Variants in PARPBP observed in about 807,000 individuals in gnomAD.
PARPBP encodes the protein PCNA-interacting partner.
Under a neutral mutation model 50.0 loss-of-function variants are expected in PARPBP, and 52 were observed. That is an observed-to-expected ratio of 1.04 (90% CI 0.83 to 1.31). The LOEUF is 1.31. Ranked by LOEUF, PARPBP falls within the 50% of genes most tolerant of loss-of-function variation. The probability of loss-of-function intolerance (pLI) is 0.00; values close to 1 mark genes in which losing one functional copy is unlikely to be tolerated. For missense variants in PARPBP, 697 were observed against 672.0 expected (o/e 1.04, Z -0.41); for synonymous variants, 244 against 232.1 (o/e 1.05, Z -0.47).
At chr12:102,149,951 G>A (rs1342308802) in intron 3 of PARPBP, among the ~76,000 whole-genome samples, 1 of 152,134 alleles carries the variant, frequency 6.6e-6, no homozygotes, top group Non-Finnish European at 1.5e-5. Flanking sequence ...TGGATTGTAG[G>A]ACAACAAAGA....
chr12:102,148,458 T>G lies in PARPBP; in HGVS notation c.382T>G (p.Ser128Ala). The G allele has an allele frequency of 8.1e-7, 1 of 1,227,556 alleles. No homozygotes were observed. Among genetic ancestry groups the G allele is most frequent in the South Asian group, 1.3e-5 (1 of 76,940 alleles). 76.0% of individuals were successfully genotyped at this position (1,227,556 alleles called of 1,614,324 possible). Residue 128 changes from serine (S) to alanine (A), a missense_variant, in exon 3 of 11, where the codon TCT (serine) becomes GCT (alanine). Coordinates refer to ENST00000327680, the MANE Select transcript of PARPBP (RefSeq NM_017915.5). Reference protein sequence around the residue: ...TSNCENYNTVSPSQLLDFLSG... With the variant: ...TSNCENYNTVAPSQLLDFLSG... ...TAATTGTGAAAATTATAACACAGTA[T>G]CTCCTGTAAGTATTTTTTAAACAAT...
At position 102,165,766 on chromosome 12, in the gene PARPBP, G is replaced by A. The variant is rs557165326; in HGVS notation, c.704G>A (p.Gly235Glu). ...TTTATTAGAACAATAGAGCTTGGAG[G>A]GAAAGGATATGCACCACCACCATCA... ...TSFIRTIELG[G>E]KGYAPPPSDP... The change falls in exon 6 of 11, where the codon GGG becomes GAG. Residue 235 changes from glycine to glutamate, a missense_variant. Physicochemically the swap from Gly to Glu is moderately conservative, Grantham distance 98. Coordinates refer to ENST00000327680, the MANE Select transcript of PARPBP (RefSeq NM_017915.5). 2 of 1,608,596 alleles carry A rather than the reference G, an allele frequency of 1.2e-6. No individual in the cohort carries two copies. The highest frequency in any genetic ancestry group is 1.3e-5 in the African/African-American group (1 of 74,808).
chr12:102,154,931 A>G (rs764302760), intron 4 of PARPBP: 9 of 413,356 alleles, frequency 2.2e-5, no homozygotes, highest in East Asian at 7.1e-5. Context: ...CGTCATCTAC[A>G]TAATAAGAAC....
At chr12:102,167,392 G>A (rs1457118770) in intron 6 of PARPBP, among the ~76,000 whole-genome samples, 1 of 151,996 alleles carries the variant, frequency 6.6e-6, no homozygotes, top group African/African-American at 2.4e-5. Flanking sequence ...TATCTAGATT[G>A]GATGCTTTTC....
At chr12:102,156,560 A>T (rs1886969395) in intron 4 of PARPBP, among the ~76,000 whole-genome samples, 1 of 152,186 alleles carries the variant, frequency 6.6e-6, no homozygotes, top group Non-Finnish European at 1.5e-5. Flanking sequence ...TAAAATCACC[A>T]TTGACAAGAT....
intron 4 of PARPBP, chr12:102,154,701 T>TA (rs1382431682): frequency 5.4e-6 from 2 of 372,622 alleles, no homozygotes; most frequent in Non-Finnish European, 1.0e-5. Flanking sequence ...GAGAAGGAAA[T>TA]AAAAATATTT....
chr12:102,192,857 A>T (rs1208707804), intron 9 of PARPBP, among the ~76,000 whole-genome samples: 1 of 152,074 alleles, frequency 6.6e-6, no homozygotes, highest in Non-Finnish European at 1.5e-5. Flanking sequence ...TTGATTAAAA[A>T]AAAAGAGATT....
chr12:102,186,455 T>A (rs1251322013), intron 9 of PARPBP, among the ~76,000 whole-genome samples: 1 of 152,110 alleles, frequency 6.6e-6, no homozygotes, highest in Non-Finnish European at 1.5e-5. Context: ...TAGGTGCTCA[T>A]TGCTATAAAA....
chr12:102,149,778 A>G (rs1885937636), intron 3 of PARPBP, among the ~76,000 whole-genome samples: 1 of 152,196 alleles, frequency 6.6e-6, no homozygotes, highest in South Asian at 2.1e-4. Context: ...CAGCTTCCTC[A>G]AAACATATCC....
chr12:102,139,697 T>G (rs1016628907), intron 2 of PARPBP, among the ~76,000 whole-genome samples: 2 of 152,230 alleles, frequency 1.3e-5, no homozygotes, highest in Non-Finnish European at 2.9e-5. Flanking sequence ...CCTGAAGGGC[T>G]GTTGAATTTT....
At chr12:102,179,792 G>C (rs766806439) in intron 8 of PARPBP, among the ~76,000 whole-genome samples, 2 of 152,144 alleles carry the variant, frequency 1.3e-5, no homozygotes, top group Non-Finnish European at 2.9e-5. Flanking sequence ...TCGTTGAGTA[G>C]GTTGTTGATA....
intron 2 of PARPBP, among the ~76,000 whole-genome samples, chr12:102,133,005 C>T (rs1883097487): frequency 6.6e-6 from 1 of 151,964 alleles, no homozygotes; most frequent in Non-Finnish European, 1.5e-5. Context: ...ATTTTTGTAT[C>T]TTGCCACTTT....
chr12:102,130,469 A>G (rs2137354058), intron 2 of PARPBP, among the ~76,000 whole-genome samples: 1 of 152,346 alleles, frequency 6.6e-6, no homozygotes, highest in South Asian at 2.1e-4. Flanking sequence ...AGCATAGGAG[A>G]AAATTTTTGC....
chr12:102,163,535 CTT>C (rs1480684896), intron 4 of PARPBP, among the ~76,000 whole-genome samples: 3 of 152,254 alleles, frequency 2.0e-5, no homozygotes, highest in Admixed American at 1.3e-4. Context: ...TTTTTCTACT[CTT>C]TTCACTTCTC....
chr12:102,181,256 A>G (rs902275121), intron 8 of PARPBP, among the ~76,000 whole-genome samples: 1 of 152,220 alleles, frequency 6.6e-6, no homozygotes. Flanking sequence ...CTCATGAAAC[A>G]TTTAGTTACT....
In PARPBP at chr12:102,164,551, A is replaced by T. The variant is rs1302818345; in HGVS notation, c.609A>T (p.Arg203Ser). 1 of 1,613,448 alleles carries T rather than the reference A, an allele frequency of 6.2e-7. No homozygotes were observed. The highest frequency in any genetic ancestry group is 2.2e-5 in the East Asian group (1 of 44,830). Reference protein sequence around the residue: ...ILNIPDRGLGREAFTDLKHAA... With the variant: ...ILNIPDRGLGSEAFTDLKHAA... ...ATATTCCTGATAGAGGACTAGGAAG[A>T]GAAGCCTTCACTGATTTGAAACATG... Residue 203 changes from arginine (R) to serine (S), a missense_variant, in exon 5 of 11, where the codon AGA becomes AGT. Coordinates refer to ENST00000327680, the MANE Select transcript of PARPBP (RefSeq NM_017915.5).
In PARPBP at chr12:102,132,515, G is replaced by A. The variant is rs144851468; in HGVS notation, c.153+8474G>A. Among the ~76,000 whole-genome samples, 365 of 152,144 alleles carry A rather than the reference G, an allele frequency of 2.4e-3. 3 individuals carry two copies. The highest frequency in any genetic ancestry group is 4.0e-3 in the Non-Finnish European group (270 of 67,986). On this transcript the variant is annotated intron_variant, in intron 2 of 10. Coordinates refer to ENST00000327680, the MANE Select transcript of PARPBP (RefSeq NM_017915.5). The stretch of plus-strand genomic sequence containing the variant: ...TCAATTCTGTTCCACTGGTCTATCC[G>A]TATGTTTTTATGCTAGTACTATGCT...
chr12:102,165,052 A>G (rs1398087806), intron 5 of PARPBP, among the ~76,000 whole-genome samples: 2 of 152,142 alleles, frequency 1.3e-5, no homozygotes, highest in African/African-American at 4.8e-5. Flanking sequence ...TTGTTTCCTA[A>G]TTTATTTGAC....
chr12:102,133,826 G>GT, intron 2 of PARPBP, among the ~76,000 whole-genome samples: 1 of 152,110 alleles, frequency 6.6e-6, no homozygotes, highest in South Asian at 2.1e-4. Context: ...CTAGAAATCT[G>GT]TAACAGGAAG....
Sources: gnomAD v4.1 joint callset for allele counts (sites outside exome capture counted in the v4.1 genomes callset) on GRCh38, gnomAD v4.1.1 for gene constraint, MANE v1.5 for transcripts, NCBI Gene and HGNC (gene_info 2026-07-23, HGNC 2026-07-21) for gene names.